CSMD1: variants seen among roughly 807,000 people sequenced by gnomAD.
CSMD1 encodes CUB and sushi domain-containing protein 1.
In CSMD1, 213 loss-of-function variants were observed where a neutral mutation model predicts 417.5. The observed-to-expected ratio is 0.51, with a 90% CI of 0.46 to 0.57. CSMD1 has a LOEUF of 0.57. Ranked by LOEUF, CSMD1 falls within the 20% of genes least tolerant of loss-of-function variation. The pLI is 0.00. For synonymous variants in CSMD1, 2,862 were observed against 1,736.8 expected (o/e 1.65, Z -16.11); for missense variants, 6,923 against 4,529.7 (o/e 1.53, Z -15.17).
chr8:3,655,509 G>A (rs1798056642), intron 7 of CSMD1, among the ~76,000 whole-genome samples: 3 of 152,092 alleles, frequency 2.0e-5, no homozygotes, highest in Non-Finnish European at 4.4e-5. Context: ...AACACAGCCA[G>A]CTCAGGACCA....
At chr8:4,486,506 G>C (rs1464143780) in intron 2 of CSMD1, among the ~76,000 whole-genome samples, 4 of 151,580 alleles carry the variant, frequency 2.6e-5, no homozygotes, top group African/African-American at 9.7e-5. Context: ...AATTAGTGAT[G>C]TTTATATTGT....
At chr8:4,393,682 T>C (rs1004597255) in intron 3 of CSMD1, among the ~76,000 whole-genome samples, 1 of 152,188 alleles carries the variant, frequency 6.6e-6, no homozygotes, top group Admixed American at 6.6e-5. Flanking sequence ...TCCTATACTA[T>C]AATTAACCAA....
intron 12 of CSMD1, among the ~76,000 whole-genome samples, chr8:3,445,768 C>T (rs7005833): frequency 0.82 from 124,514 of 152,190 alleles, 51,536 homozygotes; most frequent in African/African-American, 0.95. Context: ...GCCATGTAAA[C>T]AGTAAGAGGA....
At chr8:4,155,481 G>C (rs890735568) in intron 3 of CSMD1, among the ~76,000 whole-genome samples, 2 of 152,148 alleles carry the variant, frequency 1.3e-5, no homozygotes, top group East Asian at 1.9e-4. Context: ...TTTCCTTCTA[G>C]TTAAACAAGG....
chr8:3,915,147 T>A (rs575877027), intron 5 of CSMD1, among the ~76,000 whole-genome samples: 2 of 152,078 alleles, frequency 1.3e-5, no homozygotes, highest in African/African-American at 4.8e-5. Flanking sequence ...AGTTCACGCC[T>A]GTAATCCCAG....
chr8:4,040,217 G>C (rs756707930), intron 3 of CSMD1, among the ~76,000 whole-genome samples: 4 of 152,166 alleles, frequency 2.6e-5, no homozygotes, highest in African/African-American at 7.2e-5. Context: ...TTTTCATTTA[G>C]CAATAGTAAT....
chr8:2,975,157 T>C (rs1212316557), intron 55 of CSMD1, among the ~76,000 whole-genome samples: 1 of 152,206 alleles, frequency 6.6e-6, no homozygotes, highest in Non-Finnish European at 1.5e-5. Flanking sequence ...AGTAAAATAA[T>C]AATAATCAAT....
chr8:3,605,212 G>A (rs1277314149), intron 8 of CSMD1, among the ~76,000 whole-genome samples: 3 of 152,248 alleles, frequency 2.0e-5, no homozygotes, highest in East Asian at 1.9e-4. Context: ...GGCTGGTCTC[G>A]AGCTCCTGAT....
intron 54 of CSMD1, among the ~76,000 whole-genome samples, chr8:2,995,764 G>A (rs4876059): frequency 0.11 from 16,239 of 152,092 alleles, 943 homozygotes; most frequent in African/African-American, 0.15. Context: ...ATGAATCTCC[G>A]GAAAATTATG....
intron 8 of CSMD1, among the ~76,000 whole-genome samples, chr8:3,611,306 A>T (rs928088918): frequency 6.6e-6 from 1 of 152,108 alleles, no homozygotes; most frequent in African/African-American, 2.4e-5. Context: ...TTAATAAATC[A>T]TAACACTTGA....
At chr8:3,929,023 A>G (rs909061411) in intron 5 of CSMD1, among the ~76,000 whole-genome samples, 1 of 150,456 alleles carries the variant, frequency 6.6e-6, no homozygotes, top group African/African-American at 2.5e-5. Context: ...GTTTCCCTGT[A>G]ACTCTCAGGG....
At chr8:4,303,756 A>C (rs1052997007) in intron 3 of CSMD1, among the ~76,000 whole-genome samples, 1 of 151,854 alleles carries the variant, frequency 6.6e-6, no homozygotes, top group African/African-American at 2.4e-5. Flanking sequence ...CCTGGTTTCA[A>C]GCGATTCTCC....
At chr8:4,005,268 C>A (rs1177510279) in intron 4 of CSMD1, among the ~76,000 whole-genome samples, 1 of 152,122 alleles carries the variant, frequency 6.6e-6, no homozygotes, top group Non-Finnish European at 1.5e-5. Context: ...ACCATCTACA[C>A]CCCAATAACT....
At chr8:4,978,358 G>C (rs984348885) in intron 1 of CSMD1, among the ~76,000 whole-genome samples, 3 of 152,064 alleles carry the variant, frequency 2.0e-5, no homozygotes, top group African/African-American at 7.2e-5. Context: ...GAAGGAAAAA[G>C]CCAGATCACA....
At chr8:4,132,876 A>G (rs1441719607) in intron 3 of CSMD1, among the ~76,000 whole-genome samples, 2 of 152,204 alleles carry the variant, frequency 1.3e-5, no homozygotes, top group African/African-American at 4.8e-5. Context: ...AATTTATTCT[A>G]TTTCTAGAAA....
chr8:3,693,737 T>G (rs762922241), intron 7 of CSMD1, among the ~76,000 whole-genome samples: 1 of 152,070 alleles, frequency 6.6e-6, no homozygotes, highest in Non-Finnish European at 1.5e-5. Flanking sequence ...GTTATGCTTG[T>G]TATGGTGTGT....
intron 18 of CSMD1, among the ~76,000 whole-genome samples, chr8:3,376,066 TA>T (rs1390420213): frequency 6.6e-6 from 1 of 152,124 alleles, no homozygotes; most frequent in Non-Finnish European, 1.5e-5. Context: ...GTGTGATTTT[TA>T]AAAATGTCTT....
intron 50 of CSMD1, among the ~76,000 whole-genome samples, chr8:3,036,267 G>A (rs186183982): frequency 7.5e-4 from 114 of 152,282 alleles, no homozygotes; most frequent in Non-Finnish European, 1.3e-3. Context: ...AGGGAAGTGA[G>A]ATTACCATAA....
intron 3 of CSMD1, among the ~76,000 whole-genome samples, chr8:4,249,472 C>G (rs1356242931): frequency 6.6e-6 from 1 of 152,156 alleles, no homozygotes; most frequent in Non-Finnish European, 1.5e-5. Context: ...GTGATGTAAA[C>G]AGGGTTAAAC....
Sources: gnomAD v4.1 joint callset for allele counts (sites outside exome capture counted in the v4.1 genomes callset) on GRCh38, gnomAD v4.1.1 for gene constraint, MANE v1.5 for transcripts, NCBI Gene and HGNC (gene_info 2026-07-23, HGNC 2026-07-21) for gene names.